Variants in CHM observed in about 807,000 individuals in gnomAD.
The protein encoded by CHM is CHM Rab escort protein.
In CHM, 10 loss-of-function variants were observed where a neutral mutation model predicts 49.0. The observed-to-expected ratio is 0.20, with a 90% CI of 0.13 to 0.35. The LOEUF (loss-of-function observed/expected upper bound fraction) is 0.35, where lower values mean the gene tolerates loss of function less well. Ranked by LOEUF, CHM falls within the 10% of genes least tolerant of loss-of-function variation. The pLI is 1.00. For synonymous variants in CHM, 184 were observed against 167.5 expected (o/e 1.10, Z -0.76); for missense variants, 455 against 478.4 (o/e 0.95, Z 0.46).
intron 8 of CHM, among the ~76,000 whole-genome samples, chrX:85,922,938 C>T (rs973244831): frequency 1.8e-5 from 2 of 112,153 alleles, no homozygotes; most frequent in Admixed American, 1.9e-4. Context: ...AAACAGCAAG[C>T]GTGACCTGAT....
intron 14 of CHM, among the ~76,000 whole-genome samples, chrX:85,866,938 C>T (rs924114431): frequency 1.8e-5 from 2 of 112,680 alleles, no homozygotes; most frequent in African/African-American, 3.2e-5. Flanking sequence ...TTTACAGGTT[C>T]ATAGGCAGAA....
intron 8 of CHM, among the ~76,000 whole-genome samples, chrX:85,938,937 T>C (rs1407140873): frequency 9.0e-6 from 1 of 111,708 alleles, no homozygotes; most frequent in Non-Finnish European, 1.9e-5. Context: ...TTTCAGAGAA[T>C]AATGGACCAC....
intron 1 of CHM, among the ~76,000 whole-genome samples, chrX:86,030,319 A>G (rs1024637959): frequency 4.4e-5 from 5 of 112,819 alleles, no homozygotes; most frequent in African/African-American, 1.6e-4. Context: ...GCAAGGGCCT[A>G]TTATCTTCAT....
chrX:85,885,192 C>T lies in CHM; in HGVS notation c.1511-6129G>A, dbSNP rs149585681. 9.2e-3 allele frequency among the ~76,000 whole-genome samples: 1,015 copies of T among 110,361 alleles called. 6 individuals carry two copies. The highest frequency in any genetic ancestry group is 0.021 in the South Asian group (55 of 2,644). The stretch of plus-strand genomic sequence containing the variant: ...TGAATACTTAATATGTACTTAAAGA[C>T]AACAACATAAAACCTTCACTAGTTA... On this transcript the variant is annotated intron_variant, in intron 12 of 14. Coordinates refer to ENST00000357749, the MANE Select transcript of CHM (RefSeq NM_000390.4).
chrX:85,861,933 CTT>C lies in CHM; in HGVS notation c.*2695_*2696del, dbSNP rs904685616. 64 of 111,782 alleles carry C rather than the reference CTT, an allele frequency of 5.7e-4. No individual in the cohort carries two copies. Among genetic ancestry groups the C allele is most frequent in the African/African-American group, 2.0e-3 (63 of 30,933 alleles). The allele number at this position is 111,782 out of a possible 1,213,427, so 9.2% of individuals were successfully genotyped here. ...TCAAGCTTAAGGTTTTATAACAAGA[CTT>C]TTCTTTTTGATTTAAAACTATAAGA... On this transcript the variant is annotated 3_prime_UTR_variant, in exon 15 of 15. Transcript: ENST00000357749.
intron 8 of CHM, among the ~76,000 whole-genome samples, chrX:85,922,837 G>A (rs1254546136): frequency 2.7e-5 from 3 of 111,577 alleles, no homozygotes; most frequent in East Asian, 5.7e-4. Context: ...TATCTATAAG[G>A]TTTTACTCTA....
At chrX:86,040,730 C>T (rs990883320) in intron 1 of CHM, among the ~76,000 whole-genome samples, 4 of 111,860 alleles carry the variant, frequency 3.6e-5, no homozygotes, top group Non-Finnish European at 7.5e-5. Context: ...AACATGCTAG[C>T]TCTCATAATC....
intron 14 of CHM, among the ~76,000 whole-genome samples, chrX:85,867,400 T>C (rs778670846): frequency 8.9e-6 from 1 of 112,171 alleles, no homozygotes; most frequent in Non-Finnish European, 1.9e-5. Flanking sequence ...AAACCTCTTT[T>C]GTTTATAAAT....
At chrX:86,003,610 C>T (rs953808391) in intron 2 of CHM, among the ~76,000 whole-genome samples, 1 of 111,687 alleles carries the variant, frequency 9.0e-6, no homozygotes, top group Admixed American at 9.5e-5. Flanking sequence ...AACTTCATGA[C>T]GCATGCACAA....
At chrX:85,893,127 T>G (rs1367324557) in intron 12 of CHM, among the ~76,000 whole-genome samples, 1 of 111,695 alleles carries the variant, frequency 9.0e-6, no homozygotes, top group Non-Finnish European at 1.9e-5. Flanking sequence ...TATGTTGTAC[T>G]TGGTTAATAA....
At chrX:85,967,091 C>G (rs1019023889) in intron 4 of CHM, among the ~76,000 whole-genome samples, 6 of 111,610 alleles carry the variant, frequency 5.4e-5, no homozygotes, top group Non-Finnish European at 7.5e-5. Context: ...TCCTCACTTT[C>G]CATTAAAAAC....
chrX:85,971,581 G>C (rs972922648), intron 4 of CHM: 1 of 297,375 alleles, frequency 3.4e-6, no homozygotes, highest in African/African-American at 2.8e-5. Flanking sequence ...TAAAAGCAGC[G>C]TGGACCTAAA....
intron 8 of CHM, among the ~76,000 whole-genome samples, chrX:85,953,835 G>A (rs1244979897): frequency 8.9e-6 from 1 of 111,834 alleles, no homozygotes; most frequent in Non-Finnish European, 1.9e-5. Flanking sequence ...GAAAACATCG[G>A]AGAAAACCTC....
intron 2 of CHM, among the ~76,000 whole-genome samples, chrX:86,003,987 A>T (rs1302363247): frequency 8.9e-6 from 1 of 112,134 alleles, no homozygotes; most frequent in Admixed American, 9.5e-5. Context: ...GAAATGAAAG[A>T]AAAAATGTTA....
In CHM at chrX:85,862,389, T is replaced by A. The variant is rs1923402416; in HGVS notation, c.*2241A>T. On this transcript the variant is annotated 3_prime_UTR_variant, in exon 15 of 15. Transcript: ENST00000357749. ...CAATTTACTGCAATTGTATTCAGAC[T>A]CAATCGTCTCATCTACTGGAACCTT... The A allele has an allele frequency of 8.9e-6, 1 of 112,639 alleles. No individual in the cohort carries two copies. Among genetic ancestry groups the A allele is most frequent in the Admixed American group, 9.5e-5 (1 of 10,557 alleles). The allele number at this position is 112,639 out of a possible 1,213,427, so 9.3% of individuals were successfully genotyped here.
chrX:85,931,394 C>T (rs150432228), intron 8 of CHM, among the ~76,000 whole-genome samples: 2,333 of 111,402 alleles, frequency 0.021, 61 homozygotes, highest in African/African-American at 0.072. Context: ...CTTTATGGAA[C>T]TAAAAATGCG....
chrX:85,972,828 G>A (rs1230113952), intron 4 of CHM, among the ~76,000 whole-genome samples: 2 of 112,336 alleles, frequency 1.8e-5, no homozygotes, highest in Non-Finnish European at 3.8e-5. Context: ...GGGCCGAAGG[G>A]CTCCTCAAGT....
chrX:86,033,823 C>T (rs1415424253), intron 1 of CHM, among the ~76,000 whole-genome samples: 2 of 111,564 alleles, frequency 1.8e-5, no homozygotes, highest in Non-Finnish European at 3.8e-5. Flanking sequence ...TCACTCTAAC[C>T]TCCCCACAAA....
chrX:85,935,347 C>G (rs930542217), intron 8 of CHM, among the ~76,000 whole-genome samples: 2 of 111,518 alleles, frequency 1.8e-5, no homozygotes, highest in African/African-American at 6.5e-5. Flanking sequence ...ACTGGGGGAT[C>G]AAATTTCAAC....
Sources: allele counts gnomAD v4.1 joint callset (sites outside exome capture counted in the v4.1 genomes callset), GRCh38; gene constraint gnomAD v4.1.1; transcripts MANE v1.5; gene names NCBI Gene and HGNC (gene_info 2026-07-23, HGNC 2026-07-21).